The following STK32B variants were observed in gnomAD, a reference collection of about 807,000 sequenced individuals.
STK32B encodes the protein serine/threonine kinase 32B, also known as serine/threonine-protein kinase 32B.
STK32B carries 43 observed loss-of-function variants against 52.6 expected under a neutral mutation model. That is an observed-to-expected ratio of 0.82 (90% CI 0.64 to 1.05). The LOEUF (loss-of-function observed/expected upper bound fraction) is 1.05, where lower values mean the gene tolerates loss of function less well. STK32B is among the 50% of genes least tolerant of loss of function. STK32B has a pLI of 0.00. For synonymous variants in STK32B, 238 were observed against 204.3 expected, an observed-to-expected ratio of 1.17 and a Z score of -1.41; for missense variants, 621 against 534.6, an observed-to-expected ratio of 1.16 and a Z score of -1.59.
chr4:5,421,648 A>G (rs1030493543), intron 6 of STK32B, among the ~76,000 whole-genome samples: 2 of 152,108 alleles, frequency 1.3e-5, no homozygotes, highest in African/African-American at 4.8e-5. Flanking sequence ...CCTGCCTCAC[A>G]CTGTCTGAGG....
rs572804568 is a variant in STK32B, at chr4:5,085,098, A to G, written c.52+33183A>G. On this transcript the variant is annotated intron_variant, in intron 1 of 11. Transcript: ENST00000282908. ...AACAAATGTTTCTGTGGTCAAATTA[A>G]GTTAGGGAAATCCTGCAGTATGGTT... Among the ~76,000 whole-genome samples the G allele has an allele frequency of 1.3e-3, 196 of 152,310 alleles. 2 individuals are homozygous for G. Among genetic ancestry groups the G allele is most frequent in the African/African-American group, 4.6e-3 (190 of 41,574 alleles).
At chr4:5,091,992 G>C (rs1260106161) in intron 1 of STK32B, among the ~76,000 whole-genome samples, 1 of 152,174 alleles carries the variant, frequency 6.6e-6, no homozygotes, top group Non-Finnish European at 1.5e-5. Context: ...GGACTGTCTA[G>C]AATAAACAAA....
At chr4:5,447,762 A>G (rs1715598975) in intron 7 of STK32B, among the ~76,000 whole-genome samples, 1 of 152,232 alleles carries the variant, frequency 6.6e-6, no homozygotes, top group African/African-American at 2.4e-5. Context: ...TAACGGGGAT[A>G]ATAAGATCCT....
chr4:5,309,236 T>A (rs762373719), intron 3 of STK32B, among the ~76,000 whole-genome samples: 8 of 151,708 alleles, frequency 5.3e-5, no homozygotes, highest in Non-Finnish European at 1.0e-4. Flanking sequence ...TGAAAGAAAA[T>A]GAAGAAGACA....
intron 3 of STK32B, among the ~76,000 whole-genome samples, chr4:5,258,414 G>A (rs1044862193): frequency 6.6e-6 from 1 of 152,266 alleles, no homozygotes. Context: ...CTCAATAAAT[G>A]TTGCTGGTGA....
At chr4:5,438,709 G>A (rs539704479) in intron 6 of STK32B, among the ~76,000 whole-genome samples, 21 of 152,218 alleles carry the variant, frequency 1.4e-4, no homozygotes, top group South Asian at 4.1e-4. Flanking sequence ...CCACTAACTC[G>A]TCATCTAGCA....
intron 3 of STK32B, among the ~76,000 whole-genome samples, chr4:5,181,329 GACACACACAC>G (rs751590603): frequency 5.8e-5 from 8 of 138,020 alleles, no homozygotes; most frequent in East Asian, 2.3e-4. Flanking sequence ...TGGAGAGTGA[GACACACACAC>G]ACACACACAC....
chr4:5,029,853 A>G, the STK32B span, among the ~76,000 whole-genome samples: 1 of 152,300 alleles, frequency 6.6e-6, no homozygotes, highest in South Asian at 2.1e-4. Flanking sequence ...TAATCCCCAT[A>G]ATCTCCACGT....
intron 2 of STK32B, among the ~76,000 whole-genome samples, chr4:5,145,386 G>T (rs1716831120): frequency 6.6e-6 from 1 of 152,136 alleles, no homozygotes; most frequent in Non-Finnish European, 1.5e-5. Context: ...ACAACAGAAT[G>T]AACACATCTT....
intron 5 of STK32B, among the ~76,000 whole-genome samples, chr4:5,402,208 C>T (rs1017002535): frequency 6.6e-6 from 1 of 152,196 alleles, no homozygotes; most frequent in South Asian, 2.1e-4. Context: ...TGCAAAGGCA[C>T]ATGGCAATGG....
chr4:5,139,908 A>G lies in STK32B; in HGVS notation c.56A>G (p.Asn19Ser), dbSNP rs778226781. The G allele has an allele frequency of 6.2e-7, 1 of 1,614,176 alleles. No homozygotes were observed. The highest frequency in any genetic ancestry group is 1.1e-5 in the South Asian group (1 of 91,082). Residue 19 changes from asparagine (N) to serine (S), a missense_variant, in exon 2 of 12, where the codon AAC becomes AGC. By Grantham distance (46) the Asn-to-Ser change is conservative. Transcript: ENST00000282908. The stretch of plus-strand genomic sequence containing the variant: ...CCTTTTTTGTTTTCTTTTGCAGTCA[A>G]CTTTGACCATTTTCAGATTCTGCGG... ...PPVFDENEEV[N>S]FDHFQILRAI... is the part of the protein sequence containing the mutation.
chr4:5,105,377 C>G (rs1012196447), intron 1 of STK32B, among the ~76,000 whole-genome samples: 2 of 152,100 alleles, frequency 1.3e-5, no homozygotes, highest in African/African-American at 4.8e-5. Context: ...TGATTATTTG[C>G]ATTTAGATAT....
At chr4:5,021,846 A>G in the STK32B span, among the ~76,000 whole-genome samples, 2 of 152,152 alleles carry the variant, frequency 1.3e-5, no homozygotes. Context: ...ACCAACTGAG[A>G]TATGGTGGAT....
intron 6 of STK32B, among the ~76,000 whole-genome samples, chr4:5,438,783 T>C (rs1714390826): frequency 6.6e-6 from 1 of 152,190 alleles, no homozygotes; most frequent in Middle Eastern, 3.2e-3. Context: ...TCCCAGAGTA[T>C]GATATTCCCC....
intron 3 of STK32B, among the ~76,000 whole-genome samples, chr4:5,188,904 C>A (rs1421850936): frequency 1.3e-5 from 2 of 151,524 alleles, no homozygotes; most frequent in Non-Finnish European, 2.9e-5. Flanking sequence ...AGGAGAAATA[C>A]CTAATGTAAA....
At chr4:5,136,880 A>G (rs780132538) in intron 1 of STK32B, among the ~76,000 whole-genome samples, 1 of 152,172 alleles carries the variant, frequency 6.6e-6, no homozygotes, top group Non-Finnish European at 1.5e-5. Flanking sequence ...CGTGTGCTCA[A>G]AGTCATCTAC....
intron 11 of STK32B, among the ~76,000 whole-genome samples, chr4:5,473,348 C>A (rs908846400): frequency 7.2e-5 from 11 of 152,224 alleles, no homozygotes; most frequent in African/African-American, 2.7e-4. Flanking sequence ...TGAGGGTTCT[C>A]TCCAATGCAC....
chr4:5,415,671 G>A (rs138066909), intron 5 of STK32B, among the ~76,000 whole-genome samples: 1 of 152,320 alleles, frequency 6.6e-6, no homozygotes, highest in East Asian at 1.9e-4. Context: ...TAAATACCTT[G>A]CTGCTGCATC....
At chr4:5,337,041 C>T (rs1032853265) in intron 4 of STK32B, among the ~76,000 whole-genome samples, 20 of 152,166 alleles carry the variant, frequency 1.3e-4, no homozygotes, top group African/African-American at 4.8e-4. Flanking sequence ...TGCACTGGTA[C>T]GATCATGGCT....
Sources: allele counts gnomAD v4.1 joint callset (sites outside exome capture counted in the v4.1 genomes callset), GRCh38; gene constraint gnomAD v4.1.1; transcripts MANE v1.5; gene names NCBI Gene and HGNC (gene_info 2026-07-23, HGNC 2026-07-21).